Variants in MROH2A observed in about 807,000 individuals in gnomAD.
MROH2A encodes maestro heat-like repeat-containing protein family member 2A.
In MROH2A, 174 loss-of-function variants were observed where a neutral mutation model predicts 200.4. That is an observed-to-expected ratio of 0.87 (90% CI 0.77 to 0.98). The LOEUF is 0.98. Ranked by LOEUF, MROH2A falls within the 50% of genes least tolerant of loss-of-function variation. MROH2A has a pLI of 0.00. For synonymous variants in MROH2A, 829 were observed against 840.4 expected (o/e 0.99, Z 0.23); for missense variants, 2,045 against 2,139.6 (o/e 0.96, Z 0.87).
At chr2:233,809,396 A>G in intron 22 of MROH2A, 118 bp downstream of exon 22, 1 of 1,148,120 alleles carries the variant, frequency 8.7e-7, no homozygotes, top group Non-Finnish European at 1.2e-6. Flanking sequence ...ATCTTACCTG[A>G]TGCCCAGCAC....
Position 233,788,091 on chromosome 2 carries a change from C to CATATATTATATATACAT in MROH2A, c.277-1381_277-1365dup, listed in dbSNP as rs1303202184. ...TATATATACATATATATTATATATA[C>CATATATTATATATACAT]ATATATTATATATACATATATATTA... On this transcript the variant is annotated intron_variant, in intron 3 of 41. Coordinates refer to ENST00000389758, the MANE Select transcript of MROH2A (RefSeq NM_001394639.1). 5.4e-4 allele frequency among the ~76,000 whole-genome samples: 41 copies of CATATATTATATATACAT among 75,848 alleles called. 1 individual carries two copies. The highest frequency in any genetic ancestry group is 9.0e-4 in the Non-Finnish European group (38 of 42,382). 49.8% of individuals were successfully genotyped at this position (75,848 alleles called of 152,430 possible).
At chr2:233,821,067 T>C (rs1002933971) in intron 31 of MROH2A, among the ~76,000 whole-genome samples, 4 of 152,240 alleles carry the variant, frequency 2.6e-5, no homozygotes, top group African/African-American at 9.6e-5. Flanking sequence ...ATTGGTTTGC[T>C]ATTGCTGAAT....
At position 233,807,483 on chromosome 2, in the gene MROH2A, G is replaced by A. The variant is rs1454372231; in HGVS notation, c.2113G>A (p.Glu705Lys). The A allele has an allele frequency of 1.9e-6, 3 of 1,550,510 alleles. No individual in the cohort carries two copies. The highest frequency in any genetic ancestry group is 1.7e-6 in the Non-Finnish European group (2 of 1,147,006). ...LATGLEASKVEVLLLELLYKT... is the reference protein window; with the variant it reads ...LATGLEASKVKVLLLELLYKT... Reference sequence around the variant, plus strand: ...CACAGGCCTGGAGGCCAGCAAGGTGGAGGTCCTGCTGTTGGAGCTGCTGTA... The same window carrying A: ...CACAGGCCTGGAGGCCAGCAAGGTGAAGGTCCTGCTGTTGGAGCTGCTGTA... Residue 705 changes from glutamate to lysine, a missense_variant, in exon 20 of 42, where the codon GAG (glutamate) becomes AAG (lysine). Transcript: ENST00000389758. The surrounding 1 kb of genome is among the most constrained non-coding windows in gnomAD (Gnocchi z 4.3).
rs1433214725 is a variant in MROH2A, at chr2:233,807,873, C to A, written c.2295+18C>A. 8.4e-6 allele frequency: 13 copies of A among 1,550,816 alleles called. No individual in the cohort carries two copies. Among genetic ancestry groups the A allele is most frequent in the Middle Eastern group, 1.7e-4 (1 of 6,018 alleles). ...CTTGGCGGGTAAGCCACCTTCCCTC[C>A]ACAACTGGGTCTTGGGATCTCTTAG... is the stretch of plus-strand genomic sequence containing the variant. On this transcript the variant is annotated intron_variant, in intron 21 of 41. Coordinates refer to ENST00000389758, the MANE Select transcript of MROH2A (RefSeq NM_001394639.1). This position sits in a 1 kb window ranked among gnomAD's most constrained non-coding sequence, Gnocchi z 4.3.
rs1348263961 is a variant in MROH2A, at chr2:233,793,815, C to CA, written c.815dup (p.Asn272LysfsTer24). The CA allele has an allele frequency of 7.0e-7, 1 of 1,427,314 alleles. No individual in the cohort carries two copies. The highest frequency in any genetic ancestry group is 9.2e-7 in the Non-Finnish European group (1 of 1,087,832). 88.4% of individuals were successfully genotyped at this position (1,427,314 alleles called of 1,614,324 possible). A position where few individuals can be genotyped will look rare whatever the true frequency, so the allele number is the denominator to read the frequency against. On this transcript the variant is annotated frameshift_variant, in exon 7 of 42. Transcript: ENST00000389758. LOFTEE classifies it high-confidence loss of function. ...TCGTGACAGTGTGGCTGAGGCACTA[C>CA]AACCCCGAGGTGAGATGCACCCCTC...
At chr2:233,779,229 C>T in intron 1 of MROH2A, 116 bp from the exon 2 acceptor site, 1 of 657,920 alleles carries the variant, frequency 1.5e-6, no homozygotes, top group Non-Finnish European at 2.7e-6. Flanking sequence ...AAGGAAGTCA[C>T]AGGTTCCACC....
At chr2:233,809,780 G>GTGTA (rs1553636272) in intron 22 of MROH2A, among the ~76,000 whole-genome samples, 1 of 151,372 alleles carries the variant, frequency 6.6e-6, no homozygotes, top group Non-Finnish European at 1.5e-5. Context: ...CCATTTTTAA[G>GTGTA]TATATATATA....
At chr2:233,824,865 T>G (rs1474655110) in intron 35 of MROH2A, among the ~76,000 whole-genome samples, 1 of 152,224 alleles carries the variant, frequency 6.6e-6, no homozygotes, top group African/African-American at 2.4e-5. Context: ...GTGAAGAATG[T>G]CAATGGTAGT....
chr2:233,823,192 C>T (rs190123938), intron 34 of MROH2A, among the ~76,000 whole-genome samples, 174 bp downstream of exon 34: 33 of 152,338 alleles, frequency 2.2e-4, no homozygotes, highest in African/African-American at 7.5e-4. Flanking sequence ...AGAATGAGAA[C>T]CTTTTATTCG....
chr2:233,804,021 C>T, intron 16 of MROH2A, 30 bp from the exon 17 acceptor site: 1 of 1,547,242 alleles, frequency 6.5e-7, no homozygotes, highest in Non-Finnish European at 8.7e-7. Context: ...TGCTCAGGTG[C>T]TACTTCACTG....
upstream of MROH2A, among the ~76,000 whole-genome samples, chr2:233,776,354 C>CTT (rs10568441): frequency 2.5e-4 from 28 of 111,332 alleles, no homozygotes; most frequent in African/African-American, 7.7e-4. Flanking sequence ...AATGTATTTA[C>CTT]TTTTTTTTTT....
In MROH2A at chr2:233,833,336, T is replaced by C. The variant is rs1704915581; in HGVS notation, c.*77T>C. 5 of 1,397,056 alleles carry C rather than the reference T, an allele frequency of 3.6e-6. No homozygotes were observed. The highest frequency in any genetic ancestry group is 3.8e-6 in the Non-Finnish European group (4 of 1,058,888). The allele number at this position is 1,397,056 out of a possible 1,614,324, so 86.5% of individuals were successfully genotyped here. A position where few individuals can be genotyped will look rare whatever the true frequency, so the allele number is the denominator to read the frequency against. On this transcript the variant is annotated 3_prime_UTR_variant, in exon 42 of 42. Transcript: ENST00000389758. Reference sequence around the variant, plus strand: ...TTTTTAATTTAGTTTGTAAGAAGTTTAGTTTGTAGGAAAAACACTATTGTA... The same window carrying C: ...TTTTTAATTTAGTTTGTAAGAAGTTCAGTTTGTAGGAAAAACACTATTGTA...
chr2:233,790,326 T>C (rs1196213986), intron 5 of MROH2A, among the ~76,000 whole-genome samples: 1 of 148,308 alleles, frequency 6.7e-6, no homozygotes, highest in African/African-American at 2.5e-5. Flanking sequence ...TTTCCTTTTT[T>C]ATTGCCTGCC....
chr2:233,783,981 T>G (rs1701073411), intron 3 of MROH2A, among the ~76,000 whole-genome samples: 2 of 152,186 alleles, frequency 1.3e-5, no homozygotes, highest in Non-Finnish European at 2.9e-5. Flanking sequence ...CAATTTTGTT[T>G]GTTTTTTCAA....
rs747929382 is a variant in MROH2A, at chr2:233,790,028, G to A, written c.571+14G>A. 9.0e-5 allele frequency: 138 copies of A among 1,536,036 alleles called. No homozygotes were observed. The highest frequency in any genetic ancestry group is 1.1e-4 in the Non-Finnish European group (126 of 1,138,492). ...CCAACGGCAATGGTAGGGGCTTGAG[G>A]GCCCTCAGCCGGGCCCAGTGTGCCC... On this transcript the variant is annotated intron_variant, in intron 5 of 41. Coordinates refer to ENST00000389758, the MANE Select transcript of MROH2A (RefSeq NM_001394639.1).
rs1467851262 is a variant in MROH2A, at chr2:233,832,277, C to T, written c.4835C>T (p.Ala1612Val). Residue 1612 changes from alanine to valine, a missense_variant and splice_region_variant, in exon 40 of 42, where the codon GCA (alanine) becomes GTA (valine). By Grantham distance (64) the Ala-to-Val change is moderately conservative. Coordinates refer to ENST00000389758, the MANE Select transcript of MROH2A (RefSeq NM_001394639.1). ...ATCAGAATCGCTGCTTGCAACTTGG[C>T]AGGTGAGCAGAGAGACGTCTCCTGA... Reference protein sequence around the residue: ...SRIRIAACNLAGIIMKQMSTH... With the variant: ...SRIRIAACNLVGIIMKQMSTH... The T allele has an allele frequency of 6.5e-7, 1 of 1,550,072 alleles. No individual in the cohort carries two copies. The highest frequency in any genetic ancestry group is 8.7e-7 in the Non-Finnish European group (1 of 1,146,794).
intron 15 of MROH2A, among the ~76,000 whole-genome samples, chr2:233,803,006 C>G (rs531946033): frequency 2.0e-5 from 3 of 152,226 alleles, no homozygotes; most frequent in Non-Finnish European, 4.4e-5. Context: ...CAGGCCTGGC[C>G]GTGCCCTTGT....
In MROH2A at chr2:233,787,329, GC is replaced by G. The variant is rs969259381; in HGVS notation, c.277-2162del. On this transcript the variant is annotated intron_variant, in intron 3 of 41. Transcript: ENST00000389758. ...CTTGCATTCTCAATGGGGTGATATT[GC>G]CCCCCAGTTAAGTAAAACTAGTTCT... Among the ~76,000 whole-genome samples the G allele has an allele frequency of 3.8e-4, 57 of 150,222 alleles. 1 individual carries two copies. Among genetic ancestry groups the G allele is most frequent in the Admixed American group, 2.0e-4 (3 of 14,798 alleles).
chr2:233,800,142 A>T lies in MROH2A; in HGVS notation c.1450-63A>T, dbSNP rs572706475. The T allele has an allele frequency of 8.7e-6, 11 of 1,269,420 alleles. No individual in the cohort carries two copies. The South Asian group carries it at 1.6e-4, about 18-fold the overall frequency. The allele number at this position is 1,269,420 out of a possible 1,614,324, so 78.6% of individuals were successfully genotyped here. On this transcript the variant is annotated intron_variant, in intron 13 of 41. Transcript: ENST00000389758. ...AGCCCCTGGGGAGTGAGGAGACCAC[A>T]CCTGAGACCACGACAAACCTCTGCT...
Sources: gnomAD v4.1 joint callset for allele counts (sites outside exome capture counted in the v4.1 genomes callset) on GRCh38, gnomAD v4.1.1 for gene constraint, Gnocchi (gnomAD v3.1) non-coding constraint, MANE v1.5 for transcripts, NCBI Gene and HGNC (gene_info 2026-07-23, HGNC 2026-07-21) for gene names.